Variants in GRIN2D observed in about 807,000 individuals in gnomAD.
GRIN2D encodes the protein glutamate receptor ionotropic, NMDA 2D.
A neutral mutation model predicts 103.2 loss-of-function variants in GRIN2D; 37 were observed. That is an observed-to-expected ratio of 0.36 (90% CI 0.28 to 0.47). GRIN2D has a LOEUF of 0.47. GRIN2D is among the 20% of genes least tolerant of loss of function. The pLI, the probability that GRIN2D is intolerant of heterozygous loss-of-function variation, is 1.00. For synonymous variants in GRIN2D, 845 were observed against 885.6 expected (o/e 0.95, Z 0.81); for missense variants, 1,557 against 1,910.6 (o/e 0.81, Z 3.45).
chr19:48,431,020 T>C (rs1971149743), intron 11 of GRIN2D, among the ~76,000 whole-genome samples: 1 of 152,062 alleles, frequency 6.6e-6, no homozygotes, highest in African/African-American at 2.4e-5. Flanking sequence ...GGTTTCGCCA[T>C]ATTGAAGAGC....
intron 4 of GRIN2D, among the ~76,000 whole-genome samples, chr19:48,409,481 T>C (rs1970829690): frequency 6.6e-6 from 1 of 152,034 alleles, no homozygotes; most frequent in African/African-American, 2.4e-5. Context: ...TTCACTATGT[T>C]GGCCAGGCTG....
At chr19:48,401,927 C>G (rs1970714561) in intron 3 of GRIN2D, among the ~76,000 whole-genome samples, 1 of 152,022 alleles carries the variant, frequency 6.6e-6, no homozygotes, top group African/African-American at 2.4e-5. Flanking sequence ...ATGGTGAAAC[C>G]TCCCTCTACT....
At chr19:48,415,234 G>A (rs1970930383) in intron 7 of GRIN2D, among the ~76,000 whole-genome samples, 1 of 152,108 alleles carries the variant, frequency 6.6e-6, no homozygotes, top group East Asian at 1.9e-4. Flanking sequence ...AGCCGTGCGT[G>A]GTGGCGGGCG....
chr19:48,433,522 C>G (rs1402782873), intron 11 of GRIN2D, among the ~76,000 whole-genome samples: 1 of 152,190 alleles, frequency 6.6e-6, no homozygotes, highest in Non-Finnish European at 1.5e-5. Flanking sequence ...CTGGCCGGCT[C>G]GCAGGCCAAA....
Position 48,398,756 on chromosome 19 carries a change from C to T in GRIN2D, c.364C>T (p.Arg122Cys). The T allele has an allele frequency of 6.8e-7, 1 of 1,464,350 alleles. No individual in the cohort carries two copies. The highest frequency in any genetic ancestry group is 9.0e-7 in the Non-Finnish European group (1 of 1,113,818). The allele number at this position is 1,464,350 out of a possible 1,614,324, so 90.7% of individuals were successfully genotyped here. The change falls in exon 3 of 14, where the codon CGC becomes TGC. Residue 122 changes from arginine to cysteine, a missense_variant. Coordinates refer to ENST00000263269, the MANE Select transcript of GRIN2D (RefSeq NM_000836.4). ...CGGCGTGGTCTTCGAAGACGACTCG[C>T]GCGCGCCCGCCGTCGCGCCCATCCT... ...VHGVVFEDDSRAPAVAPILDF... is the reference protein window; with the variant it reads ...VHGVVFEDDSCAPAVAPILDF...
chr19:48,414,596 G>T lies in GRIN2D; in HGVS notation c.1412+12G>T. ...AACCGAACCCACAGGTGACAGCTCGGGATCCAGGAGTTCCGGCTCCAAAAC... is the reference window on the plus strand; with the variant it reads ...AACCGAACCCACAGGTGACAGCTCGTGATCCAGGAGTTCCGGCTCCAAAAC... On this transcript the variant is annotated intron_variant, in intron 6 of 13. Coordinates refer to ENST00000263269, the MANE Select transcript of GRIN2D (RefSeq NM_000836.4). The surrounding 1 kb of genome is among the most constrained non-coding windows in gnomAD (Gnocchi z 4.6). The T allele has an allele frequency of 6.5e-7, 1 of 1,548,928 alleles. No homozygotes were observed. The highest frequency in any genetic ancestry group is 8.7e-7 in the Non-Finnish European group (1 of 1,146,130).
At chr19:48,395,838 G>A (rs921562694) in intron 2 of GRIN2D, among the ~76,000 whole-genome samples, 1 of 152,086 alleles carries the variant, frequency 6.6e-6, no homozygotes, top group African/African-American at 2.4e-5. Context: ...GTCCTTGGGG[G>A]AAGAGGGGAG....
chr19:48,430,714 A>G (rs28579585), intron 11 of GRIN2D, among the ~76,000 whole-genome samples: 2,682 of 152,118 alleles, frequency 0.018, 73 homozygotes, highest in African/African-American at 0.061. Flanking sequence ...TCAAACCCAA[A>G]TTATCTGTTT....
chr19:48,400,177 G>A (rs1295545326), intron 3 of GRIN2D, among the ~76,000 whole-genome samples: 2 of 152,140 alleles, frequency 1.3e-5, no homozygotes, highest in Non-Finnish European at 2.9e-5. Flanking sequence ...CGGACCTCTG[G>A]TAGAGAAGGA....
chr19:48,425,862 T>C (rs1361698802), intron 11 of GRIN2D, among the ~76,000 whole-genome samples: 1 of 152,144 alleles, frequency 6.6e-6, no homozygotes, highest in Non-Finnish European at 1.5e-5. Flanking sequence ...ATTTATACAT[T>C]CATAGACATC....
chr19:48,431,553 C>T (rs1431456363), intron 11 of GRIN2D, among the ~76,000 whole-genome samples: 2 of 150,312 alleles, frequency 1.3e-5, no homozygotes, highest in Non-Finnish European at 2.9e-5. Context: ...GGTGGACTGA[C>T]ATTTATCAGT....
In GRIN2D at chr19:48,398,861, C is replaced by A; in HGVS notation, c.465+4C>A. ...CGCGCTCGTGCTCACGCCCAAGGTG[C>A]GCGCGACCGGGGCGGGGCGGGGCCA... On this transcript the variant is annotated splice_donor_region_variant and intron_variant, in intron 3 of 13. Coordinates refer to ENST00000263269, the MANE Select transcript of GRIN2D (RefSeq NM_000836.4). The A allele has an allele frequency of 3.1e-6, 4 of 1,288,754 alleles. No individual in the cohort carries two copies. The highest frequency in any genetic ancestry group is 3.9e-6 in the Non-Finnish European group (4 of 1,017,270). 79.8% of individuals were successfully genotyped at this position (1,288,754 alleles called of 1,614,324 possible).
chr19:48,410,489 C>T (rs1167364271), intron 4 of GRIN2D, among the ~76,000 whole-genome samples: 27 of 141,170 alleles, frequency 1.9e-4, no homozygotes, highest in African/African-American at 7.0e-4. Flanking sequence ...GATCGTGCCA[C>T]TGCACTCCAG....
intron 2 of GRIN2D, among the ~76,000 whole-genome samples, chr19:48,396,436 G>T (rs1177732482): frequency 2.6e-5 from 4 of 152,088 alleles, no homozygotes; most frequent in Non-Finnish European, 5.9e-5. Flanking sequence ...GCCAGGTAGG[G>T]GTGGGTCTGG....
At chr19:48,399,886 G>T (rs1970688422) in intron 3 of GRIN2D, among the ~76,000 whole-genome samples, 1 of 151,634 alleles carries the variant, frequency 6.6e-6, no homozygotes, top group Non-Finnish European at 1.5e-5. Context: ...GTTGGGGGCG[G>T]GGCCAGCGAG....
intron 11 of GRIN2D, 67 bp downstream of exon 11, chr19:48,422,012 C>T (rs1971031338): frequency 6.7e-7 from 1 of 1,501,696 alleles, no homozygotes; most frequent in East Asian, 2.3e-5. Context: ...TCAAAGATGG[C>T]AAGGGGTCCA....
chr19:48,398,547 A>G lies in GRIN2D; in HGVS notation c.155A>G (p.Asn52Ser). 2 of 1,144,150 alleles carry G rather than the reference A, an allele frequency of 1.7e-6. No homozygotes were observed. Among genetic ancestry groups the G allele is most frequent in the South Asian group, 4.3e-5 (1 of 23,434 alleles). The allele number at this position is 1,144,150 out of a possible 1,614,324, so 70.9% of individuals were successfully genotyped here. Residue 52 changes from asparagine (N) to serine (S), a missense_variant, in exon 3 of 14, where the codon AAC (asparagine) becomes AGC (serine). By Grantham distance (46) the Asn-to-Ser change is conservative. Around this residue, in one of 7 missense-constraint regions of GRIN2D, gnomAD observed 490 missense variants for 601.1 expected, o/e 0.82. Transcript: ENST00000263269. ...GGGLGGARPL[N>S]VALVFSGPAY... ...GGCCTCGGCGGGGCGCGGCCGCTCAACGTGGCGCTCGTGTTCTCGGGGCCC... is the reference window on the plus strand; with the variant it reads ...GGCCTCGGCGGGGCGCGGCCGCTCAGCGTGGCGCTCGTGTTCTCGGGGCCC...
chr19:48,418,232 C>A (rs551911566), intron 8 of GRIN2D, among the ~76,000 whole-genome samples: 1 of 151,776 alleles, frequency 6.6e-6, no homozygotes, highest in Non-Finnish European at 1.5e-5. Flanking sequence ...GGGGTTTCAC[C>A]ATGTTGGCCA....
At position 48,415,008 on chromosome 19, in the gene GRIN2D, C is replaced by A; in HGVS notation, c.1557C>A (p.Gly519=). ...TNGKHGKKID[G]VWNGMIGEVF... is the part of the protein sequence containing the mutation. ...GCAAGCACGGAAAGAAGATCGATGGCGTCTGGAACGGCATGATCGGGGAGG... is the reference window on the plus strand; with the variant it reads ...GCAAGCACGGAAAGAAGATCGATGGAGTCTGGAACGGCATGATCGGGGAGG... The change falls in exon 7 of 14, where the codon GGC becomes GGA. Residue 519 remains glycine (G), a synonymous_variant. Coordinates refer to ENST00000263269, the MANE Select transcript of GRIN2D (RefSeq NM_000836.4). 6.3e-7 allele frequency: 1 copy of A among 1,597,700 alleles called. No homozygotes were observed. Among genetic ancestry groups the A allele is most frequent in the Non-Finnish European group, 8.6e-7 (1 of 1,168,906 alleles).
Sources: gnomAD v4.1 joint callset for allele counts (sites outside exome capture counted in the v4.1 genomes callset) on GRCh38, gnomAD v4.1.1 for gene constraint, gnomAD v4.1.1 regional missense constraint, Gnocchi (gnomAD v3.1) non-coding constraint, MANE v1.5 for transcripts, NCBI Gene and HGNC (gene_info 2026-07-23, HGNC 2026-07-21) for gene names.